CCDC25: variants seen among roughly 807,000 people sequenced by gnomAD.
CCDC25 encodes coiled-coil domain-containing protein 25.
Under a neutral mutation model 35.3 loss-of-function variants are expected in CCDC25, and 16 were observed. That is an observed-to-expected ratio of 0.45 (90% confidence interval 0.31 to 0.69). The LOEUF is 0.69. Ranked by LOEUF, CCDC25 falls within the 30% of genes least tolerant of loss-of-function variation. The pLI is 0.06. For missense variants in CCDC25, 179 were observed against 250.7 expected (o/e 0.71, Z 1.93); for synonymous variants, 79 against 80.3 (o/e 0.98, Z 0.09).
At chr8:27,757,026 G>C (rs543513388) in intron 3 of CCDC25, among the ~76,000 whole-genome samples, 1 of 152,088 alleles carries the variant, frequency 6.6e-6, no homozygotes, top group Middle Eastern at 3.4e-3. Flanking sequence ...AACTGTACTG[G>C]GAAGGGTGAT....
At chr8:27,754,551 T>C (rs1248186319) in intron 4 of CCDC25, 1 of 152,298 alleles carries the variant, frequency 6.6e-6, no homozygotes, top group Non-Finnish European at 1.5e-5. Flanking sequence ...AGTGCAGTAA[T>C]GTGATCATGG....
intron 1 of CCDC25, among the ~76,000 whole-genome samples, chr8:27,767,744 G>T (rs914478576): frequency 6.6e-6 from 1 of 152,156 alleles, no homozygotes. Flanking sequence ...TAATTTTGAT[G>T]ATGAAAAACG....
chr8:27,744,578 T>G (rs1270630138), intron 7 of CCDC25, among the ~76,000 whole-genome samples: 1 of 152,240 alleles, frequency 6.6e-6, no homozygotes, highest in Non-Finnish European at 1.5e-5. Context: ...TCATTCATCC[T>G]GTAAGTCTAT....
intron 8 of CCDC25, among the ~76,000 whole-genome samples, chr8:27,736,713 CTCT>C (rs1430013621): frequency 2.6e-5 from 4 of 152,192 alleles, no homozygotes; most frequent in African/African-American, 9.7e-5. Context: ...TGGCTTTGAT[CTCT>C]TCTTCTTTTT....
chr8:27,760,864 G>A (rs1215078462), intron 3 of CCDC25, among the ~76,000 whole-genome samples: 2 of 152,192 alleles, frequency 1.3e-5, no homozygotes, highest in African/African-American at 2.4e-5. Context: ...GGTGGCTCAC[G>A]CCTCTAATCC....
At chr8:27,762,741 A>G (rs1409349837) in intron 2 of CCDC25, among the ~76,000 whole-genome samples, 4 of 152,188 alleles carry the variant, frequency 2.6e-5, no homozygotes, top group Non-Finnish European at 5.9e-5. Context: ...CTGACAAAAC[A>G]AAGCAACCAA....
intron 1 of CCDC25, among the ~76,000 whole-genome samples, chr8:27,770,990 A>G (rs1804590603): frequency 6.6e-6 from 1 of 152,228 alleles, no homozygotes; most frequent in Non-Finnish European, 1.5e-5. Flanking sequence ...AATTCCATAT[A>G]TAAAGGGACT....
chr8:27,738,611 T>TGC (rs1351235262), intron 8 of CCDC25, among the ~76,000 whole-genome samples: 5 of 152,030 alleles, frequency 3.3e-5, no homozygotes, highest in African/African-American at 9.7e-5. Context: ...GGTGTGTGTG[T>TGC]GTGTGTGTGT....
intron 3 of CCDC25, 151 bp downstream of exon 3, chr8:27,762,267 AG>A (rs1804253262): frequency 8.9e-6 from 6 of 672,354 alleles, no homozygotes; most frequent in South Asian, 7.2e-5. Context: ...CCAACTTGCA[AG>A]GTAATTAGAA....
chr8:27,755,939 T>A (rs1254101960), intron 4 of CCDC25, among the ~76,000 whole-genome samples: 1 of 152,196 alleles, frequency 6.6e-6, no homozygotes, highest in Non-Finnish European at 1.5e-5. Flanking sequence ...CTAGACTGGC[T>A]ACTAGAACAA....
chr8:27,769,790 A>G (rs1804523027), intron 1 of CCDC25, among the ~76,000 whole-genome samples: 1 of 152,144 alleles, frequency 6.6e-6, no homozygotes, highest in Admixed American at 6.6e-5. Context: ...TTACTTCTAA[A>G]GAGAAAGTAT....
At chr8:27,749,152 CA>C (rs1385047352) in intron 5 of CCDC25, among the ~76,000 whole-genome samples, 2 of 152,188 alleles carry the variant, frequency 1.3e-5, no homozygotes, top group East Asian at 3.9e-4. Context: ...AAAGAAAACA[CA>C]GAAGTCATCA....
chr8:27,756,295 A>G lies in CCDC25; in HGVS notation c.168+424T>C, dbSNP rs528465765. ...GGGCCACTAAAAATTTTTTTCCTTT[A>G]TTACTAGCATGTTCTTTTAAACTTC... On this transcript the variant is annotated intron_variant, in intron 4 of 8. Coordinates refer to ENST00000356537, the MANE Select transcript of CCDC25 (RefSeq NM_018246.3). 61 of 157,680 alleles carry G rather than the reference A, an allele frequency of 3.9e-4. 1 individual carries two copies. The highest frequency in any genetic ancestry group is 3.2e-3 in the Middle Eastern group (1 of 310). 9.8% of individuals were successfully genotyped at this position (157,680 alleles called of 1,614,324 possible).
intron 1 of CCDC25, among the ~76,000 whole-genome samples, chr8:27,771,167 A>G (rs999159201): frequency 5.9e-5 from 9 of 152,170 alleles, no homozygotes; most frequent in African/African-American, 1.7e-4. Context: ...GTTTAAATAC[A>G]CAAACACCAT....
In CCDC25 at chr8:27,737,264, GC is replaced by G. The variant is rs1803267021; in HGVS notation, c.598-1020del. Among the ~76,000 whole-genome samples the G allele has an allele frequency of 6.6e-6, 1 of 152,124 alleles. No homozygotes were observed. Among genetic ancestry groups the G allele is most frequent in the Admixed American group, 6.6e-5 (1 of 15,260 alleles). On this transcript the variant is annotated intron_variant, in intron 8 of 8. Coordinates refer to ENST00000356537, the MANE Select transcript of CCDC25 (RefSeq NM_018246.3). The surrounding 1 kb of genome is among the most constrained non-coding windows in gnomAD (Gnocchi z 4.6). ...ATATCCAGGCGCAAAGACTATGATT[GC>G]CCCAGAGTCTTAATCTGAAATAAAA... is the stretch of plus-strand genomic sequence containing the variant.
intron 2 of CCDC25, among the ~76,000 whole-genome samples, chr8:27,763,025 G>A (rs1804279166): frequency 6.6e-6 from 1 of 152,246 alleles, no homozygotes; most frequent in Admixed American, 6.5e-5. Context: ...TGGAACATGG[G>A]TATTAAGAAG....
At chr8:27,751,410 C>T (rs1488812112) in intron 5 of CCDC25, among the ~76,000 whole-genome samples, 2 of 152,198 alleles carry the variant, frequency 1.3e-5, no homozygotes, top group Non-Finnish European at 2.9e-5. Flanking sequence ...AAATCAGTGG[C>T]TCTGTAAAGC....
intron 7 of CCDC25, among the ~76,000 whole-genome samples, chr8:27,747,164 T>A (rs1689040762): frequency 6.6e-6 from 1 of 152,194 alleles, no homozygotes. Context: ...GTAGAACCTA[T>A]AAATATGTTA....
At chr8:27,762,904 T>C (rs908046245) in intron 2 of CCDC25, among the ~76,000 whole-genome samples, 1 of 151,990 alleles carries the variant, frequency 6.6e-6, no homozygotes. Context: ...ACATTAGAAG[T>C]ATAAAAAGAA....
Sources: allele counts gnomAD v4.1 joint callset (sites outside exome capture counted in the v4.1 genomes callset), GRCh38; gene constraint gnomAD v4.1.1; non-coding constraint Gnocchi (gnomAD v3.1); transcripts MANE v1.5; gene names NCBI Gene and HGNC (gene_info 2026-07-23, HGNC 2026-07-21).